Variants in CNOT6 observed in about 807,000 individuals in gnomAD.
CNOT6 encodes the protein carbon catabolite repression 4 protein.
Under a neutral mutation model 61.2 loss-of-function variants are expected in CNOT6, and 12 were observed. The observed-to-expected ratio is 0.20, with a 90% CI of 0.13 to 0.32. The LOEUF (loss-of-function observed/expected upper bound fraction) is 0.32. CNOT6 is among the 10% of genes least tolerant of loss of function. The probability of loss-of-function intolerance (pLI) is 1.00; values close to 1 mark genes in which losing one functional copy is unlikely to be tolerated. For synonymous variants in CNOT6, 225 were observed against 240.6 expected (o/e 0.94, Z 0.60); for missense variants, 405 against 663.9 (o/e 0.61, Z 4.28).
intron 1 of CNOT6, among the ~76,000 whole-genome samples, chr5:180,506,316 G>C (rs1190009511): frequency 6.6e-6 from 1 of 152,206 alleles, no homozygotes; most frequent in Non-Finnish European, 1.5e-5. Flanking sequence ...ACTCGAATCA[G>C]ACTTGGGTTA....
intron 1 of CNOT6, among the ~76,000 whole-genome samples, chr5:180,510,971 A>C (rs1287037048): frequency 6.6e-6 from 1 of 152,006 alleles, no homozygotes; most frequent in Non-Finnish European, 1.5e-5. Context: ...TTCCCGGCTA[A>C]TTTTTATACT....
intron 1 of CNOT6, among the ~76,000 whole-genome samples, chr5:180,497,508 G>A (rs562866178): frequency 2.6e-5 from 4 of 152,090 alleles, no homozygotes; most frequent in African/African-American, 9.7e-5. Context: ...TGGGCCGTTA[G>A]GGGTGAGGGA....
intron 2 of CNOT6, among the ~76,000 whole-genome samples, chr5:180,539,724 G>A (rs760006518): frequency 6.6e-6 from 1 of 150,664 alleles, no homozygotes; most frequent in Admixed American, 6.6e-5. Context: ...CGAGTAGCTG[G>A]GACTACAGGC....
rs1283580896 is a variant in CNOT6, at chr5:180,569,354, G to A, written c.1258+14G>A. 1.3e-6 allele frequency: 2 copies of A among 1,505,464 alleles called. No homozygotes were observed. The highest frequency in any genetic ancestry group is 4.5e-5 in the East Asian group (2 of 44,128). 93.3% of individuals were successfully genotyped at this position (1,505,464 alleles called of 1,614,324 possible). A position where few individuals can be genotyped will look rare whatever the true frequency, so the allele number is the denominator to read the frequency against. On this transcript the variant is annotated intron_variant, in intron 10 of 11. Transcript: ENST00000261951. ...TGCCAGACTCTGGTAAGAAAATAAT[G>A]TGATTTTATGTAGAATATTTTTTGA... is the stretch of plus-strand genomic sequence containing the variant.
intron 2 of CNOT6, among the ~76,000 whole-genome samples, chr5:180,539,417 C>G (rs1035341358): frequency 6.6e-6 from 1 of 150,710 alleles, no homozygotes; most frequent in African/African-American, 2.4e-5. Context: ...TTTCTTGCTT[C>G]TATCATTTTT....
rs919395291 is a variant in CNOT6, at chr5:180,578,072, A to G, written c.*3872A>G. The G allele has an allele frequency of 2.6e-5, 4 of 152,670 alleles. No homozygotes were observed. The highest frequency in any genetic ancestry group is 1.5e-5 in the Non-Finnish European group (1 of 68,046). The allele number at this position is 152,670 out of a possible 1,614,324, so 9.5% of individuals were successfully genotyped here. ...TTTAAAATTCTGAATCTTCTGGGACAGGGTTGTAACTCAGCCTTCCAAAGG... is the reference window on the plus strand; with the variant it reads ...TTTAAAATTCTGAATCTTCTGGGACGGGGTTGTAACTCAGCCTTCCAAAGG... On this transcript the variant is annotated 3_prime_UTR_variant, in exon 12 of 12. Transcript: ENST00000261951.
chr5:180,530,367 G>C (rs575638996), intron 2 of CNOT6, among the ~76,000 whole-genome samples: 1 of 152,174 alleles, frequency 6.6e-6, no homozygotes, highest in South Asian at 2.1e-4. Context: ...ATAACTAATA[G>C]ACAAAACATA....
chr5:180,506,278 A>C (rs1757128952), intron 1 of CNOT6, among the ~76,000 whole-genome samples: 1 of 152,162 alleles, frequency 6.6e-6, no homozygotes, highest in Non-Finnish European at 1.5e-5. Flanking sequence ...CATACAGGTA[A>C]ATTATTGCAT....
At chr5:180,544,701 A>G (rs1178304675) in intron 2 of CNOT6, among the ~76,000 whole-genome samples, 1 of 152,246 alleles carries the variant, frequency 6.6e-6, no homozygotes, top group African/African-American at 2.4e-5. Flanking sequence ...ATGAACCGCC[A>G]TAAATCCGTA....
At chr5:180,568,529 G>A (rs1345058122) in intron 9 of CNOT6, among the ~76,000 whole-genome samples, 1 of 151,260 alleles carries the variant, frequency 6.6e-6, no homozygotes, top group African/African-American at 2.4e-5. Context: ...TCCAACCTGG[G>A]TGACAGAGTG....
intron 7 of CNOT6, 70 bp downstream of exon 7, chr5:180,566,047 A>G (rs1760436330): frequency 7.2e-7 from 1 of 1,398,412 alleles, no homozygotes; most frequent in South Asian, 1.4e-5. Context: ...CATTACGCTG[A>G]CACATTTGAA....
intron 2 of CNOT6, among the ~76,000 whole-genome samples, chr5:180,543,880 A>C (rs1347539511): frequency 6.6e-6 from 1 of 151,676 alleles, no homozygotes; most frequent in Non-Finnish European, 1.5e-5. Context: ...GCACGATCTC[A>C]GCTCACTGCA....
At chr5:180,519,055 A>G (rs1331358639) in intron 1 of CNOT6, among the ~76,000 whole-genome samples, 1 of 152,198 alleles carries the variant, frequency 6.6e-6, no homozygotes, top group East Asian at 1.9e-4. Flanking sequence ...CTACTGAGAG[A>G]CCAACTTTCC....
chr5:180,566,146 G>A (rs1281739299), intron 7 of CNOT6, among the ~76,000 whole-genome samples, 169 bp downstream of exon 7: 1 of 152,206 alleles, frequency 6.6e-6, no homozygotes, highest in Non-Finnish European at 1.5e-5. Flanking sequence ...GCAGTGCTAT[G>A]TTGCAAAATA....
intron 3 of CNOT6, among the ~76,000 whole-genome samples, chr5:180,552,672 A>G (rs1046165252): frequency 1.3e-5 from 2 of 152,078 alleles, no homozygotes; most frequent in African/African-American, 4.8e-5. Context: ...TGAAAAATAA[A>G]ACTGCATGCG....
intron 4 of CNOT6, among the ~76,000 whole-genome samples, chr5:180,554,326 G>A (rs775431739): frequency 6.6e-6 from 1 of 151,818 alleles, no homozygotes; most frequent in Non-Finnish European, 1.5e-5. Flanking sequence ...GCTGAGGCAT[G>A]AGACTTGCTT....
At chr5:180,498,753 G>GC (rs1477870809) in intron 1 of CNOT6, among the ~76,000 whole-genome samples, 1 of 152,182 alleles carries the variant, frequency 6.6e-6, no homozygotes, top group Non-Finnish European at 1.5e-5. Context: ...TAGAGTGGAG[G>GC]CCCTACAAGT....
At chr5:180,517,992 CTCTTCCCCCA>C (rs1192973134) in intron 1 of CNOT6, among the ~76,000 whole-genome samples, 10 of 121,922 alleles carry the variant, frequency 8.2e-5, no homozygotes, top group Admixed American at 8.1e-4. Context: ...CATATGCTGT[CTCTTCCCCCA>C]TCTCCCCCTC....
chr5:180,530,054 C>T (rs530395362), intron 2 of CNOT6, among the ~76,000 whole-genome samples: 1 of 152,330 alleles, frequency 6.6e-6, no homozygotes, highest in Admixed American at 6.5e-5. Context: ...GGTGAAGGGA[C>T]ATTACTTCTC....
Sources: gnomAD v4.1 joint callset for allele counts (sites outside exome capture counted in the v4.1 genomes callset) on GRCh38, gnomAD v4.1.1 for gene constraint, MANE v1.5 for transcripts, NCBI Gene and HGNC (gene_info 2026-07-23, HGNC 2026-07-21) for gene names.